SLTM: variants seen among roughly 807,000 people sequenced by gnomAD.
SLTM encodes the protein SAFB like transcription modulator.
A neutral mutation model predicts 134.6 loss-of-function variants in SLTM; 43 were observed. The ratio of observed to expected loss-of-function variants is 0.32; its 90% confidence interval spans 0.25 to 0.41. The LOEUF is 0.41. SLTM is among the 10% of genes least tolerant of loss of function. The pLI, the probability that SLTM is intolerant of heterozygous loss-of-function variation, is 1.00. For missense variants in SLTM, 1,055 were observed against 1,288.8 expected, an observed-to-expected ratio of 0.82 and a Z score of 2.78; for synonymous variants, 424 against 432.3, an observed-to-expected ratio of 0.98 and a Z score of 0.24.
At position 58,913,615 on chromosome 15, in the gene SLTM, C is replaced by G; in HGVS notation, c.397G>C (p.Glu133Gln). The G allele has an allele frequency of 6.2e-7, 1 of 1,613,634 alleles. No homozygotes were observed. Among genetic ancestry groups the G allele is most frequent in the Non-Finnish European group, 8.5e-7 (1 of 1,179,858 alleles). Reference sequence around the variant, plus strand: ...TCCTTGGAATGCACATTTTCTTCTTCATTTTCACCAAATTCTTCAGAGTCC... The same window carrying G: ...TCCTTGGAATGCACATTTTCTTCTTGATTTTCACCAAATTCTTCAGAGTCC... Reference protein sequence around the residue: ...LKDSEEFGENEEENVHSKELL... With the variant: ...LKDSEEFGENQEENVHSKELL... Residue 133 changes from glutamate (E) to glutamine (Q), a missense_variant, in exon 4 of 21, where the codon GAA (glutamate) becomes CAA (glutamine). Physicochemically the swap from Glu to Gln is conservative, Grantham distance 29. Around this residue, in one of 3 missense-constraint regions of SLTM, gnomAD observed 268 missense variants for 284.3 expected, o/e 0.94. Coordinates refer to ENST00000380516, the MANE Select transcript of SLTM (RefSeq NM_024755.4).
chr15:58,904,116 G>C (rs1157422993), intron 5 of SLTM, among the ~76,000 whole-genome samples: 2 of 152,140 alleles, frequency 1.3e-5, no homozygotes, highest in East Asian at 1.9e-4. Context: ...TGATCCTCCG[G>C]CCTCGGCCTC....
chr15:58,905,019 T>C (rs1272882347), intron 5 of SLTM, among the ~76,000 whole-genome samples: 1 of 152,170 alleles, frequency 6.6e-6, no homozygotes, highest in African/African-American at 2.4e-5. Flanking sequence ...AATTTTTGTA[T>C]TTTTAGTAGA....
At position 58,898,808 on chromosome 15, in the gene SLTM, T is replaced by A; in HGVS notation, c.1103A>T (p.Asp368Val). The change falls in exon 8 of 21, where the codon GAC (aspartate) becomes GTC (valine). Residue 368 changes from aspartate to valine, a missense_variant. Asp to Val is a radical substitution (Grantham distance 152). Around this residue, in one of 3 missense-constraint regions of SLTM, gnomAD observed 776 missense variants for 962.2 expected, o/e 0.81. Coordinates refer to ENST00000380516, the MANE Select transcript of SLTM (RefSeq NM_024755.4). ...SKDSKTSSKD[D>V]KGSTSSTSGS... is the part of the protein sequence containing the mutation. Reference sequence around the variant, plus strand: ...TAGGGAAAAAAATTCTTTACCTTTGTCATCTTTAGATGATGTCTTGCTGTC... The same window carrying A: ...TAGGGAAAAAAATTCTTTACCTTTGACATCTTTAGATGATGTCTTGCTGTC... 2 of 1,605,664 alleles carry A rather than the reference T, an allele frequency of 1.2e-6. No homozygotes were observed. The highest frequency in any genetic ancestry group is 1.7e-6 in the Non-Finnish European group (2 of 1,175,650).
chr15:58,911,028 G>T (rs1310903943), intron 5 of SLTM, among the ~76,000 whole-genome samples: 1 of 152,070 alleles, frequency 6.6e-6, no homozygotes, highest in Non-Finnish European at 1.5e-5. Context: ...ACAGGTGTGA[G>T]CCACCATGCC....
rs1378378971 is a variant in SLTM, at chr15:58,883,775, C to T, written c.2847G>A (p.Glu949=). 1 of 1,613,902 alleles carries T rather than the reference C, an allele frequency of 6.2e-7. No individual in the cohort carries two copies. Among genetic ancestry groups the T allele is most frequent in the Non-Finnish European group, 8.5e-7 (1 of 1,179,996 alleles). The change falls in exon 20 of 21, where the codon GAG becomes GAA. Residue 949 remains glutamate, a synonymous_variant. Coordinates refer to ENST00000380516, the MANE Select transcript of SLTM (RefSeq NM_024755.4). ...DRGGGSQHYP[E]ERHVVERHGR... is the part of the protein sequence containing the mutation. ...CATGGCGTTCAACCACATGTCGCTC[C>T]TCAGGATAGTGCTAAAAGAATAGCA...
chr15:58,894,303 G>C (rs901628711), intron 10 of SLTM, 110 bp from the exon 11 acceptor site: 1 of 1,405,552 alleles, frequency 7.1e-7, no homozygotes, highest in Non-Finnish European at 9.8e-7. Flanking sequence ...AATATAAGGA[G>C]AGTAAAAACT....
intron 1 of SLTM, among the ~76,000 whole-genome samples, chr15:58,932,750 T>C (rs1365376706): frequency 6.6e-6 from 1 of 152,226 alleles, no homozygotes; most frequent in Non-Finnish European, 1.5e-5. Flanking sequence ...TGCTAGCTAC[T>C]AAAGTAAATA....
chr15:58,910,743 CTTTTTT>C (rs543560542), intron 5 of SLTM, among the ~76,000 whole-genome samples: 2 of 116,280 alleles, frequency 1.7e-5, no homozygotes, highest in Non-Finnish European at 3.6e-5. Flanking sequence ...CTCATAGATT[CTTTTTT>C]TTTTTTTTTT....
chr15:58,912,334 C>T (rs573115197), intron 5 of SLTM, among the ~76,000 whole-genome samples: 7 of 152,052 alleles, frequency 4.6e-5, no homozygotes, highest in Non-Finnish European at 8.8e-5. Flanking sequence ...CTCCTGACCT[C>T]GTGAACCGCC....
chr15:58,914,242 C>G (rs1414196971), intron 3 of SLTM, among the ~76,000 whole-genome samples: 5 of 152,172 alleles, frequency 3.3e-5, no homozygotes, highest in African/African-American at 1.2e-4. Context: ...TCTGTTTGTC[C>G]TTCAAAGTTT....
chr15:58,894,551 C>G lies in SLTM; in HGVS notation c.1259G>C (p.Arg420Pro). 6.2e-7 allele frequency: 1 copy of G among 1,614,084 alleles called. No individual in the cohort carries two copies. The highest frequency in any genetic ancestry group is 8.5e-7 in the Non-Finnish European group (1 of 1,179,990). The change falls in exon 10 of 21, where the codon CGA becomes CCA. Residue 420 changes from arginine (R) to proline (P), a missense_variant. Coordinates refer to ENST00000380516, the MANE Select transcript of SLTM (RefSeq NM_024755.4). Reference protein sequence around the residue: ...VLSAKVVTNARSPGAKCYGIV... With the variant: ...VLSAKVVTNAPSPGAKCYGIV... The stretch of plus-strand genomic sequence containing the variant: ...GCCATAGCATTTTGCCCCAGGACTT[C>G]GAGCATTTGTAACTACTTTTGCACT...
At chr15:58,897,360 G>A (rs939272446) in intron 8 of SLTM, 127 bp from the exon 9 acceptor site, 2 of 572,748 alleles carry the variant, frequency 3.5e-6, no homozygotes, top group Non-Finnish European at 3.1e-6. Context: ...AATCCTGTGA[G>A]TTTACTATTA....
chr15:58,927,042 G>A (rs1229756143), intron 2 of SLTM, among the ~76,000 whole-genome samples: 1 of 152,068 alleles, frequency 6.6e-6, no homozygotes, highest in African/African-American at 2.4e-5. Context: ...ATGTGGTAAA[G>A]AATAAAAGGA....
intron 14 of SLTM, among the ~76,000 whole-genome samples, chr15:58,891,934 C>T (rs968570243): frequency 1.3e-5 from 2 of 152,102 alleles, no homozygotes; most frequent in African/African-American, 4.8e-5. Flanking sequence ...CAATCCCACT[C>T]TCCTCTCAAT....
chr15:58,892,258 C>T (rs544136851), intron 14 of SLTM, among the ~76,000 whole-genome samples: 2 of 152,146 alleles, frequency 1.3e-5, no homozygotes, highest in East Asian at 1.9e-4. Flanking sequence ...AACTGACACT[C>T]GTGAACTGTT....
intron 8 of SLTM, 95 bp downstream of exon 8, chr15:58,898,708 G>C: frequency 2.3e-6 from 2 of 870,536 alleles, no homozygotes; most frequent in East Asian, 2.5e-5. Flanking sequence ...AAATTTTTAA[G>C]GACTAAATGT....
At chr15:58,915,261 T>A (rs2036552153) in intron 3 of SLTM, among the ~76,000 whole-genome samples, 1 of 152,198 alleles carries the variant, frequency 6.6e-6, no homozygotes, top group East Asian at 1.9e-4. Context: ...TTAGACATTA[T>A]GACCAGGTTT....
chr15:58,903,353 G>C (rs1211598143), intron 5 of SLTM, among the ~76,000 whole-genome samples: 1 of 152,194 alleles, frequency 6.6e-6, no homozygotes, highest in African/African-American at 2.4e-5. Context: ...CTTCTGCTTA[G>C]AAAACTAAGC....
intron 8 of SLTM, 77 bp from the exon 9 acceptor site, chr15:58,897,310 T>C (rs2035164495): frequency 2.5e-6 from 2 of 802,144 alleles, no homozygotes. Flanking sequence ...CCACATTCTT[T>C]CAAAACTATA....
Sources: allele counts gnomAD v4.1 joint callset (sites outside exome capture counted in the v4.1 genomes callset), GRCh38; gene constraint gnomAD v4.1.1; regional missense constraint gnomAD v4.1.1; transcripts MANE v1.5; gene names NCBI Gene and HGNC (gene_info 2026-07-23, HGNC 2026-07-21).